Variants in RHBDF2 observed in about 807,000 individuals in gnomAD.
RHBDF2 encodes the protein rhomboid 5 homolog 2.
In RHBDF2, 38 loss-of-function variants were observed where a neutral mutation model predicts 95.2. That is an observed-to-expected ratio of 0.40 (90% confidence interval 0.31 to 0.52). The LOEUF (loss-of-function observed/expected upper bound fraction) is 0.52. Ranked by LOEUF, RHBDF2 falls within the 20% of genes least tolerant of loss-of-function variation. The pLI is 0.56. For synonymous variants in RHBDF2, 442 were observed against 462.0 expected (o/e 0.96, Z 0.55); for missense variants, 863 against 1,137.7 (o/e 0.76, Z 3.47).
rs943523030 is a variant in RHBDF2, at chr17:76,478,790, G to T, written c.672+16C>A. The T allele has an allele frequency of 1.6e-5, 26 of 1,603,096 alleles. No individual in the cohort carries two copies. In the Admixed American group the frequency reaches 1.9e-4, roughly 11 times the overall value. ...GCCGGGCAGAGGTGGGGGCCCTGCA[G>T]GAGGGAGCCCCGCACCTTGAGGAGG... On this transcript the variant is annotated intron_variant, in intron 6 of 18. Transcript: ENST00000675367.
At chr17:76,481,233 A>C in intron 3 of RHBDF2, 142 bp downstream of exon 3, 19 of 880,778 alleles carry the variant, frequency 2.2e-5, no homozygotes, top group Non-Finnish European at 2.7e-5. Context: ...AGGAGGGGGT[A>C]GGGCCCGAGT....
At chr17:76,488,783 C>A (rs2074215614) in intron 1 of RHBDF2, among the ~76,000 whole-genome samples, 2 of 152,056 alleles carry the variant, frequency 1.3e-5, no homozygotes, top group African/African-American at 2.4e-5. Flanking sequence ...CCCATCTCTA[C>A]TAAAAATACA....
chr17:76,475,285 T>G (rs2073734792), intron 9 of RHBDF2, 144 bp from the exon 10 acceptor site: 1 of 610,016 alleles, frequency 1.6e-6, no homozygotes, highest in Non-Finnish European at 3.0e-6. Context: ...AGAGGAACTT[T>G]TAAGACGAGC....
At chr17:76,479,608 C>T (rs948589101) in intron 4 of RHBDF2, 125 bp downstream of exon 4, 4 of 749,584 alleles carry the variant, frequency 5.3e-6, no homozygotes, top group East Asian at 2.6e-5. Context: ...GGAGACATTG[C>T]TCATTAATGC....
chr17:76,480,053 A>G (rs562589579), intron 3 of RHBDF2, 199 bp from the exon 4 acceptor site: 2,179 of 33,508 alleles, frequency 0.065, 56 homozygotes, highest in South Asian at 0.22. Context: ...TTGTATATGT[A>G]TATATATATA....
At chr17:76,476,806 G>C (rs920082361) in intron 9 of RHBDF2, 24 bp downstream of exon 9, 9 of 1,569,250 alleles carry the variant, frequency 5.7e-6, no homozygotes, top group Non-Finnish European at 7.8e-6. Context: ...AGGCTCTCCT[G>C]GGGGCTCCAG....
chr17:76,477,160 G>C lies in RHBDF2; in HGVS notation c.920+20C>G. 1 of 1,611,426 alleles carries C rather than the reference G, an allele frequency of 6.2e-7. No individual in the cohort carries two copies. Among genetic ancestry groups the C allele is most frequent in the Non-Finnish European group, 8.5e-7 (1 of 1,179,154 alleles). ...AGGCTGGTGGCTGGCCTGGAGGAGG[G>C]ACTCTGCCCCAGCACTCACAGAGGG... On this transcript the variant is annotated intron_variant, in intron 8 of 18. Transcript: ENST00000675367.
Position 76,474,094 on chromosome 17 carries a change from TGG to T in RHBDF2, c.1511_1512del (p.Pro504HisfsTer5). The T allele has an allele frequency of 1.2e-6, 2 of 1,608,588 alleles. No individual in the cohort carries two copies. The highest frequency in any genetic ancestry group is 1.7e-6 in the Non-Finnish European group (2 of 1,178,060). On this transcript the variant is annotated frameshift_variant, in exon 13 of 19. Coordinates refer to ENST00000675367, the MANE Select transcript of RHBDF2 (RefSeq NM_001005498.4). LOFTEE classifies it high-confidence loss of function. ...FVKWQDDTGP[P>X]MDKSDLGQKR... ...TTCTGGCCCAGATCAGACTTGTCCA[TGG>T]GGGGCCCAGTGTCATCCTGCCACTT...
At chr17:76,473,367 G>T in intron 15 of RHBDF2, 40 bp from the exon 16 acceptor site, 1 of 1,548,546 alleles carries the variant, frequency 6.5e-7, no homozygotes, top group Admixed American at 1.8e-5. Context: ...TCAGGGCGCC[G>T]AATAACCACT....
chr17:76,479,807 G>A lies in RHBDF2; in HGVS notation c.198C>T (p.Arg66=). ...TCTCTGAACTCTCCTGCCATCGGCTGCGTGGCTCCTGGAGGCTGACGCTCT... is the reference window on the plus strand; with the variant it reads ...TCTCTGAACTCTCCTGCCATCGGCTACGTGGCTCCTGGAGGCTGACGCTCT... ...YLKSVSLQEP[R]SRWQESSEKR... is the part of the protein sequence containing the mutation. Residue 66 remains arginine, a synonymous_variant, in exon 4 of 19, where the codon CGC becomes CGT. Transcript: ENST00000675367. 1 of 1,613,372 alleles carries A rather than the reference G, an allele frequency of 6.2e-7. No homozygotes were observed. Among genetic ancestry groups the A allele is most frequent in the Non-Finnish European group, 8.5e-7 (1 of 1,179,856 alleles).
At chr17:76,492,407 C>T (rs1257775785) in intron 1 of RHBDF2, among the ~76,000 whole-genome samples, 1 of 152,146 alleles carries the variant, frequency 6.6e-6, no homozygotes, top group Admixed American at 6.5e-5. Context: ...CACTGCTGCC[C>T]AGAGAATCTG....
chr17:76,477,895 G>C, intron 6 of RHBDF2, 110 bp from the exon 7 acceptor site: 1 of 1,488,416 alleles, frequency 6.7e-7, no homozygotes, highest in Non-Finnish European at 9.0e-7. Flanking sequence ...CAGCGCCTTG[G>C]GAGGAGGGAT....
At chr17:76,483,177 G>A (rs1296250651) in intron 2 of RHBDF2, among the ~76,000 whole-genome samples, 9 of 152,172 alleles carry the variant, frequency 5.9e-5, no homozygotes, top group Admixed American at 5.9e-4. Flanking sequence ...AGCCTCCCAA[G>A]TAGCCGGGGT....
chr17:76,486,735 A>ATAAATAAATAAATAAAT, intron 2 of RHBDF2, among the ~76,000 whole-genome samples: 1 of 151,772 alleles, frequency 6.6e-6, no homozygotes. Flanking sequence ...AAATAAATAA[A>ATAAATAAATAAATAAAT]AACACTGATG....
intron 6 of RHBDF2, 102 bp downstream of exon 6, chr17:76,478,704 G>A: frequency 1.0e-6 from 1 of 989,878 alleles, no homozygotes; most frequent in Non-Finnish European, 1.5e-6. Context: ...GTAGGCAGAT[G>A]CCCAGGTGAG....
chr17:76,480,959 G>C (rs554648054), intron 3 of RHBDF2, among the ~76,000 whole-genome samples: 2 of 152,152 alleles, frequency 1.3e-5, no homozygotes, highest in Non-Finnish European at 2.9e-5. Flanking sequence ...ATCTGTTCTC[G>C]TCCTCCCAAA....
At chr17:76,472,871 C>T in intron 17 of RHBDF2, 32 bp from the exon 18 acceptor site, 2 of 1,575,558 alleles carry the variant, frequency 1.3e-6, no homozygotes, top group South Asian at 1.2e-5. Flanking sequence ...CAGCGGCCTT[C>T]AGCCAGGCAC....
At chr17:76,485,140 G>A (rs9910159) in intron 2 of RHBDF2, among the ~76,000 whole-genome samples, 90,332 of 151,440 alleles carry the variant, frequency 0.6, 27,374 homozygotes, top group Middle Eastern at 0.75. Flanking sequence ...GGGCGCGGTG[G>A]CTCATGCCTG....
At chr17:76,475,617 C>T (rs1350214241) in intron 9 of RHBDF2, among the ~76,000 whole-genome samples, 1 of 151,330 alleles carries the variant, frequency 6.6e-6, no homozygotes, top group African/African-American at 2.4e-5. Context: ...GAGTCTCGCT[C>T]TGTCACCTAG....
Sources: gnomAD v4.1 joint callset for allele counts (sites outside exome capture counted in the v4.1 genomes callset) on GRCh38, gnomAD v4.1.1 for gene constraint, MANE v1.5 for transcripts, NCBI Gene and HGNC (gene_info 2026-07-23, HGNC 2026-07-21) for gene names.